SLC36A1: variants seen among roughly 807,000 people sequenced by gnomAD.
SLC36A1 encodes solute carrier family 36 member 1, also known as proton-coupled amino acid transporter 1.
In SLC36A1, 30 loss-of-function variants were observed where a neutral mutation model predicts 47.5. The ratio of observed to expected loss-of-function variants is 0.63; its 90% CI spans 0.47 to 0.86. The LOEUF (loss-of-function observed/expected upper bound fraction) is 0.86. Ranked by LOEUF, SLC36A1 falls within the 40% of genes least tolerant of loss-of-function variation. SLC36A1 has a pLI of 0.00. For synonymous variants in SLC36A1, 255 were observed against 249.7 expected (o/e 1.02, Z -0.20); for missense variants, 517 against 606.0 (o/e 0.85, Z 1.54).
At chr5:151,346,955 C>T in the SLC36A1 span, among the ~76,000 whole-genome samples, 1 of 152,186 alleles carries the variant, frequency 6.6e-6, no homozygotes, top group South Asian at 2.1e-4. Flanking sequence ...CTACCTCTAT[C>T]CCCAATCTTA....
At chr5:151,497,870 C>T in the SLC36A1 span, among the ~76,000 whole-genome samples, 82 of 152,064 alleles carry the variant, frequency 5.4e-4, no homozygotes, top group African/African-American at 2.0e-3. Flanking sequence ...GGAAATTGCC[C>T]ACCTCAGCTG....
chr5:151,551,612 G>A, the SLC36A1 span: 12 of 1,613,954 alleles, frequency 7.4e-6, no homozygotes, highest in Non-Finnish European at 1.0e-5. Flanking sequence ...CCCACCTAGA[G>A]TGGGAGTGGG....
the SLC36A1 span, among the ~76,000 whole-genome samples, chr5:151,358,042 G>A: frequency 6.6e-6 from 1 of 152,190 alleles, no homozygotes; most frequent in African/African-American, 2.4e-5. Flanking sequence ...AACTTGATTG[G>A]TTAAGGCTCA....
the SLC36A1 span, among the ~76,000 whole-genome samples, chr5:151,418,081 CAG>C: frequency 6.6e-6 from 1 of 152,234 alleles, no homozygotes; most frequent in African/African-American, 2.4e-5. Flanking sequence ...GTTGGGCCTA[CAG>C]GTGCACAGAA....
the SLC36A1 span, among the ~76,000 whole-genome samples, chr5:151,358,960 G>C: frequency 1.6e-5 from 2 of 126,496 alleles, no homozygotes; most frequent in Non-Finnish European, 3.1e-5. Context: ...CGGCCTGGGC[G>C]ACAGAGCGAG....
the SLC36A1 span, among the ~76,000 whole-genome samples, chr5:151,359,419 C>G: frequency 1.3e-5 from 2 of 152,198 alleles, no homozygotes; most frequent in African/African-American, 2.4e-5. Flanking sequence ...TCTTTCTCTT[C>G]TAGTCTAATT....
chr5:151,467,814 C>T lies in SLC36A1; in HGVS notation c.612C>T (p.Phe204=), dbSNP rs766837821. The change falls in exon 7 of 11, where the codon TTC becomes TTT. Residue 204 remains phenylalanine (F), a synonymous_variant. Coordinates refer to ENST00000243389, the MANE Select transcript of SLC36A1 (RefSeq NM_078483.4). ...SRLYMLSFLP[F]LVLLVFIRNL... is the part of the protein sequence containing the mutation. ...TCTACATGCTCTCCTTCCTGCCCTT[C>T]CTGGTGCTGCTGGTTTTCATCAGGA... The T allele has an allele frequency of 5.0e-6, 8 of 1,614,100 alleles. No individual in the cohort carries two copies. The highest frequency in any genetic ancestry group is 3.3e-5 in the South Asian group (3 of 91,070).
the SLC36A1 span, among the ~76,000 whole-genome samples, chr5:151,420,351 C>T: frequency 3.9e-5 from 6 of 152,276 alleles, no homozygotes; most frequent in Admixed American, 2.0e-4. Context: ...TGGCCCATGG[C>T]GGGCAGGGCA....
the SLC36A1 span, chr5:151,527,465 AAT>A: frequency 1.5e-6 from 2 of 1,350,982 alleles, no homozygotes; most frequent in Non-Finnish European, 2.0e-6. Flanking sequence ...TTTCAAAAAA[AAT>A]AAGAAGGAGA....
At chr5:151,403,377 A>G in the SLC36A1 span, among the ~76,000 whole-genome samples, 3,556 of 152,268 alleles carry the variant, frequency 0.023, 125 homozygotes, top group East Asian at 0.14. Context: ...TGAATTTCTC[A>G]TGAATGGTTT....
chr5:151,529,927 C>T, the SLC36A1 span, among the ~76,000 whole-genome samples: 9 of 152,292 alleles, frequency 5.9e-5, no homozygotes, highest in South Asian at 1.0e-3. Flanking sequence ...CTGCCTTTCC[C>T]GGCTAACCAA....
the SLC36A1 span, chr5:151,531,713 C>T: frequency 2.5e-6 from 4 of 1,613,820 alleles, no homozygotes; most frequent in South Asian, 3.3e-5. This position sits in a 1 kb window ranked among gnomAD's most constrained non-coding sequence, Gnocchi z 5.7. Context: ...GGGGCGTCCT[C>T]GGGCACCTGC....
chr5:151,487,239 C>T (rs1195740570), intron 10 of SLC36A1, among the ~76,000 whole-genome samples: 1 of 152,206 alleles, frequency 6.6e-6, no homozygotes, highest in Non-Finnish European at 1.5e-5. Context: ...GAAGCCTCCT[C>T]CTGCTTACAG....
chr5:151,354,023 G>T, the SLC36A1 span, among the ~76,000 whole-genome samples: 1 of 152,174 alleles, frequency 6.6e-6, no homozygotes, highest in African/African-American at 2.4e-5. Context: ...GCTACTATCT[G>T]CCGGGTGCAG....
the SLC36A1 span, chr5:151,378,133 C>T: frequency 3.6e-5 from 12 of 330,740 alleles, no homozygotes; most frequent in African/African-American, 2.7e-4. Context: ...TTGATGTCTC[C>T]ATGCAAGAAA....
chr5:151,549,984 G>T, the SLC36A1 span, among the ~76,000 whole-genome samples: 5 of 152,138 alleles, frequency 3.3e-5, no homozygotes, highest in Non-Finnish European at 7.4e-5. Context: ...AAGACAGGAG[G>T]CCAGGCTCCG....
chr5:151,521,723 G>T, the SLC36A1 span: 1 of 1,613,956 alleles, frequency 6.2e-7, no homozygotes, highest in Non-Finnish European at 8.5e-7. Context: ...AGAGCCTCCT[G>T]CCCCACATGC....
the SLC36A1 span, chr5:151,543,043 A>G: frequency 6.2e-7 from 1 of 1,614,194 alleles, no homozygotes; most frequent in Non-Finnish European, 8.5e-7. Context: ...GAAAGTATAC[A>G]AAGGTTCAGA....
the SLC36A1 span, among the ~76,000 whole-genome samples, chr5:151,383,972 TAAAACGTAGTGG>T: frequency 1.3e-5 from 2 of 152,156 alleles, no homozygotes; most frequent in Non-Finnish European, 1.5e-5. Context: ...AAGTCCATTG[TAAAACGTAGTGG>T]AAAATGATAC....
Sources: allele counts gnomAD v4.1 joint callset (sites outside exome capture counted in the v4.1 genomes callset), GRCh38; gene constraint gnomAD v4.1.1; non-coding constraint Gnocchi (gnomAD v3.1); transcripts MANE v1.5; gene names NCBI Gene and HGNC (gene_info 2026-07-23, HGNC 2026-07-21).